Variants in CERS6 observed in about 807,000 individuals in gnomAD.
CERS6 encodes ceramide synthase 6.
In CERS6, 26 loss-of-function variants were observed where a neutral mutation model predicts 56.8. That is an observed-to-expected ratio of 0.46 (90% CI 0.34 to 0.63). CERS6 has a LOEUF of 0.63. CERS6 is among the 30% of genes least tolerant of loss of function. The probability of loss-of-function intolerance (pLI) is 0.01; values close to 1 mark genes in which losing one functional copy is unlikely to be tolerated. For synonymous variants in CERS6, 164 were observed against 173.3 expected, an observed-to-expected ratio of 0.95 and a Z score of 0.42; for missense variants, 415 against 467.5, an observed-to-expected ratio of 0.89 and a Z score of 1.04.
At chr2:168,751,298 A>G (rs917916899) in intron 8 of CERS6, among the ~76,000 whole-genome samples, 32 of 152,330 alleles carry the variant, frequency 2.1e-4, no homozygotes, top group Admixed American at 6.5e-4. Flanking sequence ...TGTGGGCTGT[A>G]TCAGGTACTT....
At chr2:168,581,525 T>C (rs1180027768) in intron 3 of CERS6, among the ~76,000 whole-genome samples, 1 of 152,226 alleles carries the variant, frequency 6.6e-6, no homozygotes, top group Non-Finnish European at 1.5e-5. Context: ...ATCTGACATA[T>C]CTTTCAAATC....
At chr2:168,661,037 G>A (rs1290752069) in intron 4 of CERS6, among the ~76,000 whole-genome samples, 1 of 152,090 alleles carries the variant, frequency 6.6e-6, no homozygotes, top group Non-Finnish European at 1.5e-5. Context: ...GAGTGGCAGC[G>A]GGGAGCAGAG....
intron 6 of CERS6, among the ~76,000 whole-genome samples, chr2:168,695,567 A>T (rs1278621890): frequency 6.6e-6 from 1 of 152,134 alleles, no homozygotes; most frequent in Non-Finnish European, 1.5e-5. Flanking sequence ...AAATCCACTT[A>T]TTCTGGCTTT....
intron 1 of CERS6, among the ~76,000 whole-genome samples, chr2:168,463,114 A>T (rs1198763663): frequency 6.6e-6 from 1 of 152,172 alleles, no homozygotes; most frequent in African/African-American, 2.4e-5. Flanking sequence ...CATTTTATGG[A>T]TGAAATTTAG....
At chr2:168,631,550 T>TTAATTATATATTAAATATAATATATA in intron 4 of CERS6, among the ~76,000 whole-genome samples, 1 of 48,772 alleles carries the variant, frequency 2.1e-5, no homozygotes, top group Non-Finnish European at 3.7e-5. Context: ...TATATTATAT[T>TTAATTATATATTAAATATAATATATA]TTTAATATTT....
intron 1 of CERS6, among the ~76,000 whole-genome samples, chr2:168,467,127 C>T (rs377119924): frequency 2.0e-5 from 3 of 152,086 alleles, no homozygotes; most frequent in Non-Finnish European, 2.9e-5. Flanking sequence ...CTTAAAGACA[C>T]GGGGAAGTCT....
At chr2:168,562,213 G>T (rs546553375) in intron 3 of CERS6, among the ~76,000 whole-genome samples, 299 of 152,314 alleles carry the variant, frequency 2.0e-3, no homozygotes, top group African/African-American at 7.1e-3. Flanking sequence ...TGCATTTTCA[G>T]CTTTGGCTTT....
chr2:168,717,831 A>G (rs760553903), intron 7 of CERS6, 41 bp from the exon 8 acceptor site: 5 of 1,446,498 alleles, frequency 3.5e-6, no homozygotes, highest in Non-Finnish European at 4.8e-6. Flanking sequence ...TTTTATTATC[A>G]GTTTAACTAC....
chr2:168,708,756 C>A (rs1243446134), intron 6 of CERS6, among the ~76,000 whole-genome samples: 1 of 152,090 alleles, frequency 6.6e-6, no homozygotes. Context: ...CTAAATCAGG[C>A]TTTAATTAAA....
rs73969231 is a variant in CERS6 at position 168,509,667 on chromosome 2, T to G, written c.171-37929T>G. On this transcript the variant is annotated intron_variant, in intron 1 of 9. Transcript: ENST00000305747. ...CTAAATAATGGATGAAATTATATAATAGATGATGAATCTCAGTGTTTGTAG... is the reference window on the plus strand; with the variant it reads ...CTAAATAATGGATGAAATTATATAAGAGATGATGAATCTCAGTGTTTGTAG... Among the ~76,000 whole-genome samples the G allele has an allele frequency of 4.7e-3, 721 of 152,330 alleles. 5 individuals are homozygous for G. Among genetic ancestry groups the G allele is most frequent in the African/African-American group, 0.016 (680 of 41,584 alleles).
intron 4 of CERS6, among the ~76,000 whole-genome samples, chr2:168,684,143 G>C (rs1295324882): frequency 6.6e-6 from 1 of 152,178 alleles, no homozygotes; most frequent in Non-Finnish European, 1.5e-5. Context: ...TTTAAAGCCT[G>C]ATCAATATGA....
rs757980061 is a variant in CERS6, at chr2:168,718,004, T to C, written c.845+26T>C. The C allele has an allele frequency of 2.7e-6, 4 of 1,480,468 alleles. No individual in the cohort carries two copies. The African/African-American group carries it at 4.2e-5, about 16-fold the overall frequency. 91.7% of individuals were successfully genotyped at this position (1,480,468 alleles called of 1,614,324 possible). The stretch of plus-strand genomic sequence containing the variant: ...GTGAGTATGCCAGTCTCCTTCCTGA[T>C]AGAGCCACCCTTTCCAAATAAGCTT... On this transcript the variant is annotated intron_variant, in intron 8 of 9. Transcript: ENST00000305747.
chr2:168,581,622 C>A (rs1351862305), intron 3 of CERS6, among the ~76,000 whole-genome samples: 1 of 151,972 alleles, frequency 6.6e-6, no homozygotes, highest in Admixed American at 6.6e-5. Flanking sequence ...TATAAAAGTT[C>A]TGTTTCATCT....
chr2:168,652,233 T>C (rs1685361219), intron 4 of CERS6, among the ~76,000 whole-genome samples: 1 of 152,164 alleles, frequency 6.6e-6, no homozygotes, highest in African/African-American at 2.4e-5. Context: ...CTTCACTAAT[T>C]TCATAATTTT....
At chr2:168,543,074 C>T (rs557806804) in intron 1 of CERS6, among the ~76,000 whole-genome samples, 2 of 152,296 alleles carry the variant, frequency 1.3e-5, no homozygotes, top group Admixed American at 6.5e-5. Flanking sequence ...AGATGTTTAC[C>T]TCATGTTTAA....
At chr2:168,468,065 C>G (rs1424896538) in intron 1 of CERS6, among the ~76,000 whole-genome samples, 1 of 152,126 alleles carries the variant, frequency 6.6e-6, no homozygotes, top group Non-Finnish European at 1.5e-5. Context: ...TAAGCCTTTT[C>G]TTCTCAACAG....
At chr2:168,555,760 G>GTGTGTT (rs1695666765) in intron 2 of CERS6, among the ~76,000 whole-genome samples, 1 of 148,742 alleles carries the variant, frequency 6.7e-6, no homozygotes, top group South Asian at 2.1e-4. Flanking sequence ...GTGTGTGTGT[G>GTGTGTT]TGTGTATGTA....
At chr2:168,681,276 C>A (rs560263480) in intron 4 of CERS6, among the ~76,000 whole-genome samples, 3 of 152,264 alleles carry the variant, frequency 2.0e-5, no homozygotes, top group Admixed American at 2.0e-4. Context: ...TTCTCTCATT[C>A]TACTTTCTCT....
chr2:168,761,504 C>T lies in CERS6; in HGVS notation c.846-4088C>T, dbSNP rs572504481. The stretch of plus-strand genomic sequence containing the variant: ...GTTGCTATTTACACAGAACCTCTTT[C>T]TGTTCAAAGGGAACTAAAGTTTCTC... On this transcript the variant is annotated intron_variant, in intron 8 of 9. Coordinates refer to ENST00000305747, the MANE Select transcript of CERS6 (RefSeq NM_203463.3). Among the ~76,000 whole-genome samples the T allele has an allele frequency of 4.6e-5, 7 of 152,316 alleles. No individual in the cohort carries two copies. In the East Asian group the frequency reaches 1.3e-3, roughly 29 times the overall value.
Sources: allele counts gnomAD v4.1 joint callset (sites outside exome capture counted in the v4.1 genomes callset), GRCh38; gene constraint gnomAD v4.1.1; transcripts MANE v1.5; gene names NCBI Gene and HGNC (gene_info 2026-07-23, HGNC 2026-07-21).